The following ANO4 variants were observed in gnomAD, a reference collection of about 807,000 sequenced individuals.
ANO4 encodes anoctamin-4.
Under a neutral mutation model 141.9 loss-of-function variants are expected in ANO4, and 69 were observed. That is an observed-to-expected ratio of 0.49 (90% CI 0.40 to 0.59). ANO4 has a LOEUF of 0.59. ANO4 is among the 20% of genes least tolerant of loss of function. ANO4 has a pLI of 0.00. For missense variants in ANO4, 894 were observed against 1,162.2 expected (o/e 0.77, Z 3.36); for synonymous variants, 350 against 394.3 (o/e 0.89, Z 1.33).
In ANO4 at chr12:101,128,475, A is replaced by C. The variant is rs918662610; in HGVS notation, c.*619A>C. The C allele has an allele frequency of 1.3e-5, 2 of 152,668 alleles. No homozygotes were observed. The highest frequency in any genetic ancestry group is 6.5e-5 in the Admixed American group (1 of 15,280). The allele number at this position is 152,668 out of a possible 1,614,324, so 9.5% of individuals were successfully genotyped here. Reference sequence around the variant, plus strand: ...TGCATATGTACATACAAATACAGAGATATATAAAGTACATAGAAATTCCTT... The same window carrying C: ...TGCATATGTACATACAAATACAGAGCTATATAAAGTACATAGAAATTCCTT... On this transcript the variant is annotated 3_prime_UTR_variant, in exon 28 of 28. Transcript: ENST00000392977.
intron 1 of ANO4, among the ~76,000 whole-genome samples, chr12:100,815,804 C>A: frequency 6.6e-6 from 1 of 151,470 alleles, no homozygotes; most frequent in East Asian, 1.9e-4. Context: ...TGTATTTTTC[C>A]AGCCAACATG....
At chr12:100,742,985 C>G (rs2031938052) in intron 3 of ANO4, among the ~76,000 whole-genome samples, 1 of 151,902 alleles carries the variant, frequency 6.6e-6, no homozygotes. Flanking sequence ...CCAGCTTGGT[C>G]CATCCATCTA....
chr12:100,905,623 A>G (rs1019441812), intron 2 of ANO4, among the ~76,000 whole-genome samples: 1 of 152,144 alleles, frequency 6.6e-6, no homozygotes, highest in African/African-American at 2.4e-5. Context: ...GGGAGATGAG[A>G]GGATATAAAT....
At chr12:100,868,288 A>G (rs1435845619) in intron 1 of ANO4, among the ~76,000 whole-genome samples, 1 of 152,186 alleles carries the variant, frequency 6.6e-6, no homozygotes, top group Non-Finnish European at 1.5e-5. Context: ...GAGAGGCTCT[A>G]GGTCAGTGGA....
chr12:101,009,628 A>G (rs912066954), intron 8 of ANO4, among the ~76,000 whole-genome samples: 1 of 152,120 alleles, frequency 6.6e-6, no homozygotes, highest in African/African-American at 2.4e-5. Context: ...TTTCTCCTCT[A>G]TGGAACCTTA....
intron 8 of ANO4, among the ~76,000 whole-genome samples, chr12:100,988,803 G>A (rs1356995577): frequency 2.0e-5 from 3 of 147,208 alleles, no homozygotes; most frequent in African/African-American, 5.0e-5. Context: ...CCTGGGAGGC[G>A]GAGGTTGCAG....
intron 2 of ANO4, among the ~76,000 whole-genome samples, chr12:100,917,948 C>T (rs2041424841): frequency 6.6e-6 from 1 of 152,128 alleles, no homozygotes; most frequent in Non-Finnish European, 1.5e-5. Context: ...TCTTTATTTT[C>T]AGTCTTAAAT....
At chr12:101,016,629 A>G (rs1009962673) in intron 8 of ANO4, among the ~76,000 whole-genome samples, 132 of 152,298 alleles carry the variant, frequency 8.7e-4, no homozygotes, top group African/African-American at 2.9e-3. Context: ...ATCATGTGCT[A>G]AGCCCTTTAC....
At chr12:100,762,980 A>T (rs542068034) in intron 3 of ANO4, among the ~76,000 whole-genome samples, 2 of 152,272 alleles carry the variant, frequency 1.3e-5, no homozygotes, top group African/African-American at 4.8e-5. Flanking sequence ...TAGATGAGAT[A>T]TTGGTTTCAT....
chr12:101,096,719 C>A, intron 19 of ANO4, 72 bp downstream of exon 19: 1 of 1,117,154 alleles, frequency 9.0e-7, no homozygotes. Context: ...CTCGTGGGGA[C>A]AGAGAAGCCC....
At chr12:100,768,422 T>G (rs1259176184) in intron 3 of ANO4, among the ~76,000 whole-genome samples, 1 of 152,238 alleles carries the variant, frequency 6.6e-6, no homozygotes, top group Non-Finnish European at 1.5e-5. Context: ...GAAGGTATTT[T>G]TATGTGTGAA....
intron 2 of ANO4, 31 bp from the exon 3 acceptor site, chr12:100,922,195 C>A: frequency 6.7e-7 from 1 of 1,488,146 alleles, no homozygotes; most frequent in Non-Finnish European, 9.0e-7. Flanking sequence ...ATAACCAGTG[C>A]AAACTCCATG....
At chr12:101,016,652 T>TA (rs1237372035) in intron 8 of ANO4, among the ~76,000 whole-genome samples, 2 of 152,186 alleles carry the variant, frequency 1.3e-5, no homozygotes, top group African/African-American at 2.4e-5. Flanking sequence ...GTGCTGGAAA[T>TA]ACAGAGATGA....
At chr12:100,731,676 C>A (rs1307595783) in intron 1 of ANO4, among the ~76,000 whole-genome samples, 1 of 152,214 alleles carries the variant, frequency 6.6e-6, no homozygotes, top group Non-Finnish European at 1.5e-5. Context: ...TGACCCCTGG[C>A]AACCACTAAT....
At chr12:100,998,171 A>AATATT (rs1592969157) in intron 8 of ANO4, among the ~76,000 whole-genome samples, 2 of 152,220 alleles carry the variant, frequency 1.3e-5, no homozygotes, top group East Asian at 3.9e-4. Flanking sequence ...AGTGAACATA[A>AATATT]AGCAGGCAGA....
rs1469769311 is a variant in ANO4 at position 101,080,886 on chromosome 12, T to TA, written c.1395+1612dup. Among the ~76,000 whole-genome samples, 58 of 131,384 alleles carry TA rather than the reference T, an allele frequency of 4.4e-4. 1 individual carries two copies. Among genetic ancestry groups the TA allele is most frequent in the African/African-American group, 1.6e-3 (57 of 36,078 alleles). 86.2% of individuals were successfully genotyped at this position (131,384 alleles called of 152,430 possible). A position where few individuals can be genotyped will look rare whatever the true frequency, so the allele number is the denominator to read the frequency against. On this transcript the variant is annotated intron_variant, in intron 15 of 27. Coordinates refer to ENST00000392977, the MANE Select transcript of ANO4 (RefSeq NM_001286615.2). Reference sequence around the variant, plus strand: ...TCTAGATATATATATATATATATTATATATATATATATATACATACACATA... The same window carrying TA: ...TCTAGATATATATATATATATATTATAATATATATATATATACATACACATA...
intron 14 of ANO4, among the ~76,000 whole-genome samples, chr12:101,067,964 G>A (rs2048658872): frequency 6.6e-6 from 1 of 152,178 alleles, no homozygotes; most frequent in Non-Finnish European, 1.5e-5. Context: ...TCATAATCTT[G>A]ATGGCTAATC....
chr12:101,006,777 G>A (rs568028428), intron 8 of ANO4, among the ~76,000 whole-genome samples: 1 of 152,300 alleles, frequency 6.6e-6, no homozygotes, highest in South Asian at 2.1e-4. Flanking sequence ...ATACCTGCAT[G>A]TTGTGGATTA....
chr12:100,954,104 C>T (rs2043082952), intron 5 of ANO4, among the ~76,000 whole-genome samples: 2 of 152,136 alleles, frequency 1.3e-5, no homozygotes, highest in Admixed American at 1.3e-4. Context: ...ACCCAGAAAC[C>T]CAAAGTTTCT....
Sources: allele counts gnomAD v4.1 joint callset (sites outside exome capture counted in the v4.1 genomes callset), GRCh38; gene constraint gnomAD v4.1.1; transcripts MANE v1.5; gene names NCBI Gene and HGNC (gene_info 2026-07-23, HGNC 2026-07-21).